SFSWAP: variants seen among roughly 807,000 people sequenced by gnomAD.
SFSWAP encodes the protein splicing factor SWAP.
Under a neutral mutation model 100.7 loss-of-function variants are expected in SFSWAP, and 17 were observed. The observed-to-expected ratio is 0.17, with a 90% CI of 0.12 to 0.25. The LOEUF (loss-of-function observed/expected upper bound fraction) is 0.25, where lower values mean the gene tolerates loss of function less well. SFSWAP is among the 10% of genes least tolerant of loss of function. The probability of loss-of-function intolerance (pLI) is 1.00; values close to 1 mark genes in which losing one functional copy is unlikely to be tolerated. For missense variants in SFSWAP, 1,005 were observed against 1,262.6 expected, an observed-to-expected ratio of 0.80 and a Z score of 3.09; for synonymous variants, 504 against 510.1, an observed-to-expected ratio of 0.99 and a Z score of 0.16.
chr12:131,797,201 A>G lies in SFSWAP; in HGVS notation c.2558A>G (p.Lys853Arg), dbSNP rs1474869901. The change falls in exon 16 of 18, where the codon AAG (lysine) becomes AGG (arginine). Residue 853 changes from lysine to arginine, a missense_variant. Physicochemically the swap from Lys to Arg is conservative, Grantham distance 26 (BLOSUM62 2). Coordinates refer to ENST00000261674, the MANE Select transcript of SFSWAP (RefSeq NM_004592.4). Reference sequence around the variant, plus strand: ...AGAAGTCCCCACGAGAAGAAGAAGAAGAGGCGGTCCCGGTCGCGGACCAAG... The same window carrying G: ...AGAAGTCCCCACGAGAAGAAGAAGAGGAGGCGGTCCCGGTCGCGGACCAAG... ...RSRSPHEKKK[K>R]RRSRSRTKSK... 2 of 1,610,710 alleles carry G rather than the reference A, an allele frequency of 1.2e-6. No homozygotes were observed. Among genetic ancestry groups the G allele is most frequent in the African/African-American group, 1.3e-5 (1 of 74,928 alleles).
chr12:131,767,589 T>TTAC (rs1883217715), intron 13 of SFSWAP, among the ~76,000 whole-genome samples: 1 of 152,232 alleles, frequency 6.6e-6, no homozygotes, highest in Non-Finnish European at 1.5e-5. Flanking sequence ...ATTTGAACTA[T>TTAC]AATATTAGAA....
chr12:131,755,917 G>A (rs1219350058), intron 10 of SFSWAP, among the ~76,000 whole-genome samples: 2 of 152,240 alleles, frequency 1.3e-5, no homozygotes, highest in South Asian at 2.1e-4. Flanking sequence ...GTGCCTGCAC[G>A]CCCTTCCCCC....
At chr12:131,719,089 T>C (rs1041901081) in intron 3 of SFSWAP, among the ~76,000 whole-genome samples, 1 of 152,090 alleles carries the variant, frequency 6.6e-6, no homozygotes, top group African/African-American at 2.4e-5. Flanking sequence ...AGGGTCAGCT[T>C]CTTTATATAT....
chr12:131,719,627 G>A, intron 4 of SFSWAP, 88 bp downstream of exon 4: 1 of 1,067,578 alleles, frequency 9.4e-7, no homozygotes, highest in South Asian at 1.3e-5. Flanking sequence ...AATGATTATA[G>A]CTGCTTTTTA....
At chr12:131,713,993 TACATATATAA>T in intron 1 of SFSWAP, 68 bp from the exon 2 acceptor site, 1 of 978,102 alleles carries the variant, frequency 1.0e-6, no homozygotes, top group Non-Finnish European at 1.6e-6. Context: ...TATATATATA[TACATATATAA>T]AACATCACAC....
chr12:131,711,214 C>T lies in SFSWAP; in HGVS notation c.-16C>T. The T allele has an allele frequency of 6.4e-7, 1 of 1,574,240 alleles. No individual in the cohort carries two copies. The highest frequency in any genetic ancestry group is 8.6e-7 in the Non-Finnish European group (1 of 1,163,278). ...CGGCACAGAAGAGGACCAGCCTGGACGCCGGGGACGCTGTCATGTACGGCG... is the reference window on the plus strand; with the variant it reads ...CGGCACAGAAGAGGACCAGCCTGGATGCCGGGGACGCTGTCATGTACGGCG... On this transcript the variant is annotated 5_prime_UTR_variant, in exon 1 of 18. The change creates a new upstream start codon in the 5' untranslated region. Transcript: ENST00000261674. The surrounding 1 kb of genome is among the most constrained non-coding windows in gnomAD (Gnocchi z 4.9).
rs1879675253 is a variant in SFSWAP, at chr12:131,733,209, T to C, written c.1081+4781T>C. On this transcript the variant is annotated intron_variant, in intron 7 of 17. Transcript: ENST00000261674. This position sits in a 1 kb window ranked among gnomAD's most constrained non-coding sequence, Gnocchi z 5.1. ...GCGGGGGATGGCGCGGTCTCCCTGG[T>C]ACTTACTGGGCAGGTGCGTATCGTC... Among the ~76,000 whole-genome samples, 1 of 152,162 alleles carries C rather than the reference T, an allele frequency of 6.6e-6. No homozygotes were observed. Among genetic ancestry groups the C allele is most frequent in the East Asian group, 1.9e-4 (1 of 5,184 alleles).
At chr12:131,724,269 A>G (rs1878755869) in intron 4 of SFSWAP, among the ~76,000 whole-genome samples, 1 of 152,220 alleles carries the variant, frequency 6.6e-6, no homozygotes, top group South Asian at 2.1e-4. Flanking sequence ...ATTTTCCTTT[A>G]AGGGTCATTA....
chr12:131,775,521 G>A (rs576588888), intron 13 of SFSWAP, among the ~76,000 whole-genome samples: 3 of 152,230 alleles, frequency 2.0e-5, no homozygotes, highest in South Asian at 2.1e-4. Flanking sequence ...CCCAGGGCTC[G>A]CCTCAGAGGA....
At chr12:131,787,186 T>C (rs2136272330) in intron 15 of SFSWAP, among the ~76,000 whole-genome samples, 1 of 152,300 alleles carries the variant, frequency 6.6e-6, no homozygotes, top group East Asian at 1.9e-4. Context: ...CCGTGGTGCC[T>C]GGCAGGGCCT....
At chr12:131,769,568 A>G (rs969539126) in intron 13 of SFSWAP, among the ~76,000 whole-genome samples, 2 of 152,182 alleles carry the variant, frequency 1.3e-5, no homozygotes, top group African/African-American at 4.8e-5. Context: ...CCTTATAAAC[A>G]TAAGATATGT....
chr12:131,782,136 C>G (rs183872583), intron 14 of SFSWAP, among the ~76,000 whole-genome samples: 7 of 152,358 alleles, frequency 4.6e-5, no homozygotes, highest in Admixed American at 1.3e-4. Context: ...AACATATTCT[C>G]TATGACAAAA....
chr12:131,766,821 G>A (rs1593167056), intron 13 of SFSWAP, among the ~76,000 whole-genome samples: 1 of 152,252 alleles, frequency 6.6e-6, no homozygotes, highest in East Asian at 1.9e-4. Context: ...GCAGGAATAG[G>A]GCCTTACATG....
At chr12:131,729,445 A>G (rs1307182427) in intron 7 of SFSWAP, among the ~76,000 whole-genome samples, 1 of 152,232 alleles carries the variant, frequency 6.6e-6, no homozygotes, top group East Asian at 1.9e-4. Flanking sequence ...TTAAGGCTGC[A>G]GTGAGCTGAG....
intron 14 of SFSWAP, among the ~76,000 whole-genome samples, chr12:131,781,466 T>C (rs911019135): frequency 1.1e-4 from 17 of 151,982 alleles, no homozygotes; most frequent in Admixed American, 2.6e-4. Context: ...CTCGATCTCC[T>C]GACCTCATGA....
At chr12:131,719,593 C>A in intron 4 of SFSWAP, 54 bp downstream of exon 4, 1 of 1,363,262 alleles carries the variant, frequency 7.3e-7, no homozygotes, top group Non-Finnish European at 1.0e-6. Flanking sequence ...TCATAATTCA[C>A]TCCTGCTTGT....
chr12:131,779,224 G>GGCGCGGGTGAGCGTGTGTGAAGAGGGCA (rs1884282248), intron 14 of SFSWAP, among the ~76,000 whole-genome samples: 1 of 149,664 alleles, frequency 6.7e-6, no homozygotes, highest in Admixed American at 6.6e-5. Context: ...TGAAGAGGGC[G>GGCGCGGGTGAGCGTGTGTGAAGAGGGCA]GCGCGGGTGA....
chr12:131,760,092 TGTAAAAC>T (rs1385755866), intron 11 of SFSWAP, among the ~76,000 whole-genome samples: 2 of 152,228 alleles, frequency 1.3e-5, no homozygotes, highest in African/African-American at 4.8e-5. Context: ...AGTATTTAAA[TGTAAAAC>T]ATAAAACTAG....
At chr12:131,774,682 GCAGTAATGTCAA>G (rs1883870537) in intron 13 of SFSWAP, among the ~76,000 whole-genome samples, 1 of 152,008 alleles carries the variant, frequency 6.6e-6, no homozygotes, top group Non-Finnish European at 1.5e-5. Flanking sequence ...GCTGAAAAAA[GCAGTAATGTCAA>G]CATAATGAAC....
Sources: gnomAD v4.1 joint callset for allele counts (sites outside exome capture counted in the v4.1 genomes callset) on GRCh38, gnomAD v4.1.1 for gene constraint, Gnocchi (gnomAD v3.1) non-coding constraint, MANE v1.5 for transcripts, NCBI Gene and HGNC (gene_info 2026-07-23, HGNC 2026-07-21) for gene names.